ENOSF1: variants seen among roughly 807,000 people sequenced by gnomAD.
The protein encoded by ENOSF1 is mitochondrial enolase superfamily member 1.
Under a neutral mutation model 68.2 loss-of-function variants are expected in ENOSF1, and 73 were observed. That is an observed-to-expected ratio of 1.07 (90% confidence interval 0.89 to 1.30). The LOEUF (loss-of-function observed/expected upper bound fraction) is 1.30, where lower values mean the gene tolerates loss of function less well. ENOSF1 is among the 50% of genes most tolerant of loss of function. The pLI is 0.00. For synonymous variants in ENOSF1, 223 were observed against 210.4 expected, an observed-to-expected ratio of 1.06 and a Z score of -0.52; for missense variants, 589 against 554.5, an observed-to-expected ratio of 1.06 and a Z score of -0.62.
At chr18:710,996 CCT>C (rs1447827458) in intron 1 of ENOSF1, among the ~76,000 whole-genome samples, 2 of 152,184 alleles carry the variant, frequency 1.3e-5, no homozygotes, top group African/African-American at 4.8e-5. Flanking sequence ...CAGCCTGGGC[CCT>C]GTCTCTACAA....
chr18:682,353 T>C (rs1256595686), intron 11 of ENOSF1, among the ~76,000 whole-genome samples: 1 of 152,182 alleles, frequency 6.6e-6, no homozygotes, highest in Non-Finnish European at 1.5e-5. Context: ...TGGAACACAA[T>C]GGCCAGTATC....
chr18:666,998 GAGATGGT>G (rs1389015969), downstream of ENOSF1, among the ~76,000 whole-genome samples: 12 of 6,362 alleles, frequency 1.9e-3, 1 homozygote, highest in South Asian at 0.016. Flanking sequence ...GATGGTGATG[GAGATGGT>G]GATGGTGATG....
chr18:684,159 A>G, intron 10 of ENOSF1, among the ~76,000 whole-genome samples: 1 of 149,856 alleles, frequency 6.7e-6, no homozygotes, highest in Non-Finnish European at 1.5e-5. Flanking sequence ...ACACCAGGCT[A>G]TTTTTTTTTG....
chr18:664,777 A>C, the ENOSF1 span, among the ~76,000 whole-genome samples: 3 of 150,178 alleles, frequency 2.0e-5, no homozygotes, highest in South Asian at 2.2e-4. Context: ...TGAGATAATC[A>C]TGTGGTTTTT....
intron 3 of ENOSF1, among the ~76,000 whole-genome samples, chr18:695,599 T>C (rs1230980034): frequency 6.6e-6 from 1 of 152,138 alleles, no homozygotes; most frequent in Non-Finnish European, 1.5e-5. Context: ...TAAAAATTTT[T>C]TATTTTATTA....
intron 11 of ENOSF1, chr18:683,014 A>G: frequency 2.1e-6 from 1 of 486,080 alleles, no homozygotes; most frequent in South Asian, 3.7e-5. Context: ...TTCAACTTTT[A>G]GCAGCTTACT....
chr18:699,597 T>C (rs1211405460), intron 2 of ENOSF1, among the ~76,000 whole-genome samples: 1 of 152,222 alleles, frequency 6.6e-6, no homozygotes, highest in Non-Finnish European at 1.5e-5. Context: ...GCCTACGTTG[T>C]GTAAATGGAC....
intron 7 of ENOSF1, 71 bp from the exon 8 acceptor site, chr18:690,702 A>AAGCTGTTTCACCTGGAGAGTCC: frequency 6.3e-7 from 1 of 1,579,840 alleles, no homozygotes; most frequent in South Asian, 1.2e-5. Context: ...GCCTGTAGCT[A>AAGCTGTTTCACCTGGAGAGTCC]AGCTGTTTCC....
At chr18:712,288 G>T in intron 1 of ENOSF1, 2 of 1,528,512 alleles carry the variant, frequency 1.3e-6, no homozygotes, top group Non-Finnish European at 1.7e-6. Flanking sequence ...GTTCGAAGTC[G>T]GGAAGCTGCC....
At position 672,819 on chromosome 18, in the gene ENOSF1, C is replaced by T. The variant is rs371335219; in HGVS notation, c.*1486G>A. 2.4e-5 allele frequency: 37 copies of T among 1,536,750 alleles called. No homozygotes were observed. The highest frequency in any genetic ancestry group is 1.4e-4 in the Admixed American group (8 of 56,458). ...GACATGAGGAGCAATTACAACAGGT[C>T]GTACAATTATGGCAAAATAATGGCC... On this transcript the variant is annotated 3_prime_UTR_variant, in exon 16 of 16. Transcript: ENST00000647584.
intron 10 of ENOSF1, 165 bp from the exon 11 acceptor site, chr18:683,545 G>A (rs2076314624): frequency 6.8e-6 from 5 of 730,566 alleles, no homozygotes; most frequent in Middle Eastern, 4.0e-4. Context: ...AAAAGAGCCA[G>A]AGAGCAGCTG....
intron 3 of ENOSF1, among the ~76,000 whole-genome samples, chr18:696,420 C>G (rs960540169): frequency 6.6e-6 from 1 of 151,888 alleles, no homozygotes; most frequent in African/African-American, 2.4e-5. Flanking sequence ...ACCATGTTAG[C>G]CAGGATGGTC....
At position 674,150 on chromosome 18, in the gene ENOSF1, GTAA is replaced by G. The variant is rs1318967040; in HGVS notation, c.*152_*154del. 3.3e-6 allele frequency: 2 copies of G among 606,138 alleles called. No individual in the cohort carries two copies. The highest frequency in any genetic ancestry group is 3.8e-5 in the African/African-American group (2 of 52,762). The allele number at this position is 606,138 out of a possible 1,614,324, so 37.5% of individuals were successfully genotyped here. A position where few individuals can be genotyped will look rare whatever the true frequency, so the allele number is the denominator to read the frequency against. ...TGCATTGATTTGCTAAAAGAATCAA[GTAA>G]TAATTACTTAGCTGATTCCTGAGGG... is the stretch of plus-strand genomic sequence containing the variant. On this transcript the variant is annotated 3_prime_UTR_variant, in exon 16 of 16. Coordinates refer to ENST00000647584, the MANE Select transcript of ENOSF1 (RefSeq NM_017512.7).
downstream of ENOSF1, among the ~76,000 whole-genome samples, chr18:666,118 TAA>T (rs967094165): frequency 3.9e-4 from 40 of 103,588 alleles, 3 homozygotes; most frequent in African/African-American, 2.2e-3. Flanking sequence ...AGTGGGGTGT[TAA>T]AGTCTCCCAT....
chr18:706,815 A>ATAT (rs760562263), intron 1 of ENOSF1: 2,091 of 131,024 alleles, frequency 0.016, 55 homozygotes, highest in African/African-American at 0.056. Context: ...ATATATATAT[A>ATAT]TTTTTTTTTT....
chr18:700,538 T>A (rs975274790), intron 2 of ENOSF1, among the ~76,000 whole-genome samples: 1 of 152,162 alleles, frequency 6.6e-6, no homozygotes. Flanking sequence ...ATCTACAGTG[T>A]ATGGATTTTT....
intron 2 of ENOSF1, among the ~76,000 whole-genome samples, chr18:700,298 T>C (rs902506785): frequency 6.6e-6 from 1 of 152,210 alleles, no homozygotes; most frequent in Non-Finnish European, 1.5e-5. Context: ...TCCTCACTTC[T>C]TGAAGGTTGA....
downstream of ENOSF1, among the ~76,000 whole-genome samples, chr18:667,992 A>ATTTTTTT (rs60409589): frequency 2.6e-4 from 27 of 105,368 alleles, 1 homozygote; most frequent in African/African-American, 8.7e-4. Flanking sequence ...ATTCACAGGA[A>ATTTTTTT]TTTTTTTTTT....
At chr18:693,649 G>T (rs2077429455) in intron 5 of ENOSF1, 1 of 985,254 alleles carries the variant, frequency 1.0e-6, no homozygotes, top group Non-Finnish European at 1.2e-6. Flanking sequence ...CACAGTGGGG[G>T]AGGCAGGACC....
Sources: allele counts gnomAD v4.1 joint callset (sites outside exome capture counted in the v4.1 genomes callset), GRCh38; gene constraint gnomAD v4.1.1; transcripts MANE v1.5; gene names NCBI Gene and HGNC (gene_info 2026-07-23, HGNC 2026-07-21).